Variants in PATZ1 observed in about 807,000 individuals in gnomAD.
PATZ1 encodes POZ/BTB and AT hook containing zinc finger 1.
In PATZ1, 9 loss-of-function variants were observed where a neutral mutation model predicts 46.2. The ratio of observed to expected loss-of-function variants is 0.19; its 90% CI spans 0.12 to 0.34. The LOEUF is 0.34. Among genes scored for constraint, PATZ1 ranks in the 10% least tolerant of loss-of-function variants. The pLI, the probability that PATZ1 is intolerant of heterozygous loss-of-function variation, is 1.00. For synonymous variants in PATZ1, 426 were observed against 378.6 expected, an observed-to-expected ratio of 1.13 and a Z score of -1.45; for missense variants, 632 against 923.0, an observed-to-expected ratio of 0.68 and a Z score of 4.08.
At position 31,345,515 on chromosome 22, in the gene PATZ1, G is replaced by A. The variant is rs1389728828; in HGVS notation, c.88C>T (p.Leu30=). Residue 30 remains leucine (L), a synonymous_variant, in exon 1 of 5, where the codon CTG becomes TTG. Coordinates refer to ENST00000266269, the MANE Select transcript of PATZ1 (RefSeq NM_014323.3). This position sits in a 1 kb window ranked among gnomAD's most constrained non-coding sequence, Gnocchi z 7.4. The stretch of plus-strand genomic sequence containing the variant: ...CCGCCGTTTTTGCGCTGCTGGTTCA[G>A]GTTGTGCAGCATCTCCGTGCTGTGT... ...SRHSTEMLHN[L]NQQRKNGGRF... The A allele has an allele frequency of 1.4e-5, 22 of 1,613,368 alleles. No individual in the cohort carries two copies. Among genetic ancestry groups the A allele is most frequent in the East Asian group, 4.5e-5 (2 of 44,864 alleles).
chr22:31,328,718 C>G lies in PATZ1; in HGVS notation c.1645+69G>C. Reference sequence around the variant, plus strand: ...AGCCGGCAGCCTTCCCGCCTCCCCACGCCCAGCCCAGCGCCCCCACAACAC... The same window carrying G: ...AGCCGGCAGCCTTCCCGCCTCCCCAGGCCCAGCCCAGCGCCCCCACAACAC... On this transcript the variant is annotated intron_variant, in intron 4 of 4. Coordinates refer to ENST00000266269, the MANE Select transcript of PATZ1 (RefSeq NM_014323.3). This position sits in a 1 kb window ranked among gnomAD's most constrained non-coding sequence, Gnocchi z 4.8. 2.0e-6 allele frequency: 3 copies of G among 1,488,778 alleles called. No homozygotes were observed. Among genetic ancestry groups the G allele is most frequent in the Non-Finnish European group, 2.8e-6 (3 of 1,069,546 alleles). 92.2% of individuals were successfully genotyped at this position (1,488,778 alleles called of 1,614,324 possible). A position where few individuals can be genotyped will look rare whatever the true frequency, so the allele number is the denominator to read the frequency against.
chr22:31,334,007 C>T (rs569262073), intron 3 of PATZ1, among the ~76,000 whole-genome samples: 20 of 152,298 alleles, frequency 1.3e-4, no homozygotes, highest in Middle Eastern at 3.4e-3. Context: ...TTATCATGAG[C>T]ACCCTTCTCC....
At position 31,335,818 on chromosome 22, in the gene PATZ1, G is replaced by A. The variant is rs1242062085; in HGVS notation, c.1381C>T (p.Leu461=). The A allele has an allele frequency of 6.2e-7, 1 of 1,614,010 alleles. No individual in the cohort carries two copies. The change falls in exon 3 of 5, where the codon CTG becomes TTG. Residue 461 remains leucine (L), a synonymous_variant. Transcript: ENST00000266269. ...GGCACCTTGTCTTCATGACAGGCCAGGTGGGAGCGCAGACGGTCTCGGGTG... is the reference window on the plus strand; with the variant it reads ...GGCACCTTGTCTTCATGACAGGCCAAGTGGGAGCGCAGACGGTCTCGGGTG... The part of the protein sequence containing the change: ...FATRDRLRSH[L]ACHEDKVPCQ...
At chr22:31,329,520 T>C (rs1427394995) in intron 3 of PATZ1, among the ~76,000 whole-genome samples, 2 of 152,228 alleles carry the variant, frequency 1.3e-5, no homozygotes, top group African/African-American at 4.8e-5. Flanking sequence ...AGTAACTGTT[T>C]AGACCTTTTG....
chr22:31,339,183 G>A (rs1433290843), intron 2 of PATZ1, among the ~76,000 whole-genome samples: 2 of 152,326 alleles, frequency 1.3e-5, no homozygotes, highest in East Asian at 3.9e-4. Flanking sequence ...GACTGGGCTG[G>A]CTTCCCCCAC....
intron 2 of PATZ1, chr22:31,341,722 C>A: frequency 6.4e-7 from 1 of 1,567,272 alleles, no homozygotes. Context: ...CCCCCCCAGG[C>A]CACCGGGCTT....
intron 2 of PATZ1, among the ~76,000 whole-genome samples, chr22:31,340,281 T>TA (rs2049563811): frequency 6.6e-6 from 1 of 152,266 alleles, no homozygotes; most frequent in South Asian, 2.1e-4. Context: ...GCTATGGCAC[T>TA]AGTCTCTGTA....
At chr22:31,338,803 C>T (rs1335594249) in intron 2 of PATZ1, among the ~76,000 whole-genome samples, 1 of 152,182 alleles carries the variant, frequency 6.6e-6, no homozygotes, top group Non-Finnish European at 1.5e-5. Flanking sequence ...AATCCCAACA[C>T]TTTGGGAGGC....
At chr22:31,332,473 A>G (rs1019442243) in intron 3 of PATZ1, among the ~76,000 whole-genome samples, 9 of 152,194 alleles carry the variant, frequency 5.9e-5, no homozygotes, top group Admixed American at 5.2e-4. Flanking sequence ...CCAACAAGCC[A>G]CCGGCCCTTT....
In PATZ1 at chr22:31,345,576, G is replaced by A; in HGVS notation, c.27C>T (p.Cys9=). MERVNDAS[C]GPSGCYTYQV... ...GGTATGTGTAGCAGCCAGACGGGCC[G>A]CACGAAGCGTCGTTCACCCGCTCCA... The change falls in exon 1 of 5, where the codon TGC becomes TGT. Residue 9 remains cysteine (C), a synonymous_variant. Transcript: ENST00000266269. The surrounding 1 kb of genome is among the most constrained non-coding windows in gnomAD (Gnocchi z 7.4). The A allele has an allele frequency of 1.3e-6, 2 of 1,595,924 alleles. No homozygotes were observed. The highest frequency in any genetic ancestry group is 1.7e-6 in the Non-Finnish European group (2 of 1,166,934).
At chr22:31,330,953 G>C (rs2049433425) in intron 3 of PATZ1, among the ~76,000 whole-genome samples, 1 of 152,224 alleles carries the variant, frequency 6.6e-6, no homozygotes, top group Non-Finnish European at 1.5e-5. Context: ...AGCAGTTAGT[G>C]GTTCTGAAGG....
At chr22:31,337,352 A>G (rs2049524067) in intron 2 of PATZ1, among the ~76,000 whole-genome samples, 1 of 152,180 alleles carries the variant, frequency 6.6e-6, no homozygotes, top group African/African-American at 2.4e-5. Flanking sequence ...ACCAACTCAC[A>G]GCCAGGCCCC....
At position 31,345,309 on chromosome 22, in the gene PATZ1, G is replaced by C. The variant is rs1261574846; in HGVS notation, c.294C>G (p.Ala98=). 1.9e-6 allele frequency: 3 copies of C among 1,610,828 alleles called. No homozygotes were observed. The highest frequency in any genetic ancestry group is 2.5e-6 in the Non-Finnish European group (3 of 1,178,096). Residue 98 remains alanine, a synonymous_variant, in exon 1 of 5, where the codon GCC becomes GCG. Coordinates refer to ENST00000266269, the MANE Select transcript of PATZ1 (RefSeq NM_014323.3). The surrounding 1 kb of genome is among the most constrained non-coding windows in gnomAD (Gnocchi z 7.4). ...GGATAAPGGG[A]GGSRELEMHT... ...GCATCTCCAGCTCCCGGCTGCCCCC[G>C]GCCCCGCCGCCTGGTGCTGCCGTCG...
intron 2 of PATZ1, among the ~76,000 whole-genome samples, chr22:31,336,703 G>C (rs2049513902): frequency 6.6e-6 from 1 of 151,656 alleles, no homozygotes; most frequent in African/African-American, 2.4e-5. Flanking sequence ...CTACTTGGGA[G>C]GCTGAGGCAG....
In PATZ1 at chr22:31,341,700, G is replaced by C. The variant is rs781447175; in HGVS notation, c.1335+1197C>G. ...AACCCACACCTGGAAAAAGGGCAGA[G>C]AGTGCAGGTTACCCCCCCAGGCCAC... On this transcript the variant is annotated intron_variant, in intron 2 of 4. Transcript: ENST00000266269. 1.9e-6 allele frequency: 3 copies of C among 1,596,038 alleles called. No individual in the cohort carries two copies. The Admixed American group carries it at 5.1e-5, about 27-fold the overall frequency.
rs1448799157 is a variant in PATZ1, at chr22:31,326,541, C to T, written c.*350G>A. On this transcript the variant is annotated 3_prime_UTR_variant, in exon 5 of 5. Coordinates refer to ENST00000266269, the MANE Select transcript of PATZ1 (RefSeq NM_014323.3). ...CAAAATCACTGAGGTCCCAGAATAT[C>T]ATAGATTTGGGTATAGGATTGGGGT... 7.2e-6 allele frequency: 2 copies of T among 277,724 alleles called. No homozygotes were observed. The highest frequency in any genetic ancestry group is 2.2e-5 in the African/African-American group (1 of 46,170). 17.2% of individuals were successfully genotyped at this position (277,724 alleles called of 1,614,324 possible).
At chr22:31,343,515 G>C (rs1414281934) in intron 1 of PATZ1, 2 of 853,850 alleles carry the variant, frequency 2.3e-6, no homozygotes, top group African/African-American at 3.7e-5. Context: ...CGGTAAGACT[G>C]GTTCCTGGTC....
rs1247809702 is a variant in PATZ1 at position 31,327,064 on chromosome 22, C to T, written c.1891G>A (p.Ala631Thr). 6.2e-6 allele frequency: 10 copies of T among 1,613,990 alleles called. No homozygotes were observed. The highest frequency in any genetic ancestry group is 8.5e-6 in the Non-Finnish European group (10 of 1,180,006). ...NKHIQKVHVR[A>T]LGGPLGDLGP... is the part of the protein sequence containing the mutation. Reference sequence around the variant, plus strand: ...AGGTCCCCCAGGGGGCCCCCGAGAGCCCGGACATGCACCTTCTGGATGTGT... The same window carrying T: ...AGGTCCCCCAGGGGGCCCCCGAGAGTCCGGACATGCACCTTCTGGATGTGT... Residue 631 changes from alanine (A) to threonine (T), a missense_variant, in exon 5 of 5, where the codon GCT becomes ACT. By Grantham distance (58) the Ala-to-Thr change is moderately conservative. Transcript: ENST00000266269. This position sits in a 1 kb window ranked among gnomAD's most constrained non-coding sequence, Gnocchi z 4.2.
At position 31,345,541 on chromosome 22, in the gene PATZ1, C is replaced by T. The variant is rs2049642859; in HGVS notation, c.62G>A (p.Arg21Lys). ...GTTGTGCAGCATCTCCGTGCTGTGT[C>T]TGCTCACCTGGTATGTGTAGCAGCC... ...PSGCYTYQVS[R>K]HSTEMLHNLN... The change falls in exon 1 of 5, where the codon AGA (arginine) becomes AAA (lysine). Residue 21 changes from arginine (R) to lysine (K), a missense_variant. Coordinates refer to ENST00000266269, the MANE Select transcript of PATZ1 (RefSeq NM_014323.3). This position sits in a 1 kb window ranked among gnomAD's most constrained non-coding sequence, Gnocchi z 7.4. 1 of 1,613,014 alleles carries T rather than the reference C, an allele frequency of 6.2e-7. No homozygotes were observed. The highest frequency in any genetic ancestry group is 2.2e-5 in the East Asian group (1 of 44,864).
Sources: gnomAD v4.1 joint callset for allele counts (sites outside exome capture counted in the v4.1 genomes callset) on GRCh38, gnomAD v4.1.1 for gene constraint, Gnocchi (gnomAD v3.1) non-coding constraint, MANE v1.5 for transcripts, NCBI Gene and HGNC (gene_info 2026-07-23, HGNC 2026-07-21) for gene names.